The following CD72 variants were observed in gnomAD, a reference collection of about 807,000 sequenced individuals.
CD72 encodes CD72 molecule.
Under a neutral mutation model 50.7 loss-of-function variants are expected in CD72, and 28 were observed. The observed-to-expected ratio is 0.55, with a 90% confidence interval of 0.41 to 0.76. The LOEUF (loss-of-function observed/expected upper bound fraction) is 0.76, where lower values mean the gene tolerates loss of function less well. Among genes scored for constraint, CD72 ranks in the 30% least tolerant of loss-of-function variants. CD72 has a pLI of 0.00. For missense variants in CD72, 403 were observed against 420.6 expected (o/e 0.96, Z 0.37); for synonymous variants, 176 against 171.2 (o/e 1.03, Z -0.22).
chr9:35,639,889 T>C (rs1204746376), intron 1 of CD72, among the ~76,000 whole-genome samples: 2 of 152,296 alleles, frequency 1.3e-5, no homozygotes, highest in South Asian at 2.1e-4. Flanking sequence ...TAAGCAATCT[T>C]GACTGCTAAC....
chr9:35,611,876 G>A lies in CD72; in HGVS notation c.878C>T (p.Ser293Leu). The A allele has an allele frequency of 6.2e-7, 1 of 1,612,260 alleles. No individual in the cohort carries two copies. The highest frequency in any genetic ancestry group is 8.5e-7 in the Non-Finnish European group (1 of 1,178,296). ...FLNSLLPNGG[S>L]GNSYWTGLSS... ...GAGGCCAGTCCAATATGAATTCCCTGAACCACCATTTGGCAACAGTGAATT... is the reference window on the plus strand; with the variant it reads ...GAGGCCAGTCCAATATGAATTCCCTAAACCACCATTTGGCAACAGTGAATT... The change falls in exon 7 of 9, where the codon TCA (serine) becomes TTA (leucine). Residue 293 changes from serine to leucine, a missense_variant. Transcript: ENST00000259633.
intron 1 of CD72, among the ~76,000 whole-genome samples, chr9:35,640,348 G>A (rs965102335): frequency 1.3e-5 from 2 of 152,158 alleles, no homozygotes; most frequent in African/African-American, 2.4e-5. Flanking sequence ...AGATGGTGGT[G>A]AGCCGCTTCC....
chr9:35,627,754 T>C (rs904797920), intron 1 of CD72, among the ~76,000 whole-genome samples: 9 of 152,120 alleles, frequency 5.9e-5, no homozygotes, highest in African/African-American at 2.2e-4. Context: ...GAATGTCAGT[T>C]GCAGTCTCAG....
At chr9:35,636,753 T>A (rs1213275956) in intron 1 of CD72, among the ~76,000 whole-genome samples, 1 of 151,862 alleles carries the variant, frequency 6.6e-6, no homozygotes, top group Non-Finnish European at 1.5e-5. Context: ...ATGAAGAGAG[T>A]ATCTGAGTCT....
chr9:35,624,282 T>C (rs1005562464), upstream of CD72, among the ~76,000 whole-genome samples: 4 of 149,352 alleles, frequency 2.7e-5, no homozygotes, highest in African/African-American at 9.8e-5. Context: ...TTAATAAAAA[T>C]ATAAAATGAG....
chr9:35,631,368 A>G (rs1823244298), intron 1 of CD72, among the ~76,000 whole-genome samples: 1 of 152,232 alleles, frequency 6.6e-6, no homozygotes, highest in East Asian at 1.9e-4. Flanking sequence ...TAATAAGGAT[A>G]ATAGCAGGCA....
chr9:35,639,807 T>C (rs1823322900), intron 1 of CD72, among the ~76,000 whole-genome samples: 1 of 152,148 alleles, frequency 6.6e-6, no homozygotes, highest in Admixed American at 6.5e-5. Context: ...ACATGCTGGC[T>C]GGGGAAAGGG....
intron 1 of CD72, among the ~76,000 whole-genome samples, chr9:35,629,458 C>T (rs893127949): frequency 1.3e-5 from 2 of 152,152 alleles, no homozygotes; most frequent in Non-Finnish European, 2.9e-5. Context: ...TTTATATATA[C>T]ATACACACAC....
At chr9:35,645,160 C>A (rs1207020971) in intron 1 of CD72, among the ~76,000 whole-genome samples, 1 of 146,112 alleles carries the variant, frequency 6.8e-6, no homozygotes, top group African/African-American at 2.5e-5. Context: ...GATCTCGCCA[C>A]TGCACTTCAG....
chr9:35,620,807 C>CT (rs1823141508), upstream of CD72, among the ~76,000 whole-genome samples: 1 of 151,980 alleles, frequency 6.6e-6, no homozygotes, highest in South Asian at 2.1e-4. Context: ...GAGTGAGACT[C>CT]TGTCTCCAAA....
At chr9:35,616,987 A>T (rs902149543) in intron 3 of CD72, 189 bp downstream of exon 3, 2 of 1,442,914 alleles carry the variant, frequency 1.4e-6, no homozygotes, top group Non-Finnish European at 1.8e-6. Flanking sequence ...GACCATCCGC[A>T]GGGGGGCGGT....
intron 1 of CD72, among the ~76,000 whole-genome samples, chr9:35,643,769 G>C (rs1232310865): frequency 6.6e-6 from 1 of 152,134 alleles, no homozygotes; most frequent in Non-Finnish European, 1.5e-5. Flanking sequence ...CCTGAGGTCA[G>C]GCATTCAAAA....
At chr9:35,611,475 T>C (rs1054435697) in intron 7 of CD72, among the ~76,000 whole-genome samples, 3 of 152,144 alleles carry the variant, frequency 2.0e-5, no homozygotes, top group African/African-American at 4.8e-5. Flanking sequence ...TTGGGTGGCC[T>C]TCTCGAAGGA....
In CD72 at chr9:35,639,264, A is replaced by G. The variant is rs571136487; in HGVS notation, n.408+7139T>C. Among the ~76,000 whole-genome samples, 10 of 152,302 alleles carry G rather than the reference A, an allele frequency of 6.6e-5. No individual in the cohort carries two copies. In the South Asian group the frequency reaches 1.0e-3, roughly 16 times the overall value. ...GTTAAGCACCCTTAGGGCAAAATAA[A>G]AATGCAATTGGTTTCTCAAAAACTT... is the stretch of plus-strand genomic sequence containing the variant. On this transcript the variant is annotated intron_variant and non_coding_transcript_variant, in intron 1 of 3. Transcript: ENST00000465754.
intron 1 of CD72, among the ~76,000 whole-genome samples, chr9:35,627,712 G>T (rs1823208836): frequency 1.3e-5 from 2 of 152,220 alleles, no homozygotes; most frequent in Non-Finnish European, 2.9e-5. Flanking sequence ...AGTGAGGGGA[G>T]TCTAGTGTGG....
At chr9:35,616,903 G>A (rs1823072544) in intron 3 of CD72, 2 of 1,250,996 alleles carry the variant, frequency 1.6e-6, no homozygotes, top group Admixed American at 2.6e-5. Flanking sequence ...GTGGGGACTC[G>A]GGGGCGTTAC....
At chr9:35,623,526 C>T (rs1030757015), upstream of CD72, among the ~76,000 whole-genome samples, 2 of 152,084 alleles carry the variant, frequency 1.3e-5, no homozygotes, top group African/African-American at 4.8e-5. Flanking sequence ...CTACCTATAG[C>T]CCTTTTTAAG....
intron 1 of CD72, among the ~76,000 whole-genome samples, chr9:35,640,704 A>C (rs1231961329): frequency 6.6e-6 from 1 of 152,208 alleles, no homozygotes; most frequent in Non-Finnish European, 1.5e-5. Context: ...GCAGTGGTGG[A>C]CGGGGAGCGA....
intron 1 of CD72, among the ~76,000 whole-genome samples, chr9:35,641,275 T>G (rs1823337645): frequency 1.3e-5 from 2 of 152,198 alleles, no homozygotes; most frequent in South Asian, 4.1e-4. Flanking sequence ...ATGGACTGCA[T>G]CTGGGGCTCC....
Sources: gnomAD v4.1 joint callset for allele counts (sites outside exome capture counted in the v4.1 genomes callset) on GRCh38, gnomAD v4.1.1 for gene constraint, MANE v1.5 for transcripts, NCBI Gene and HGNC (gene_info 2026-07-23, HGNC 2026-07-21) for gene names.